The following WAPL variants were observed in gnomAD, a reference collection of about 807,000 sequenced individuals.
The protein encoded by WAPL is wings apart-like protein homolog.
Under a neutral mutation model 121.0 loss-of-function variants are expected in WAPL, and 5 were observed. That is an observed-to-expected ratio of 0.04 (90% CI 0.02 to 0.09). The LOEUF (loss-of-function observed/expected upper bound fraction) is 0.09. Ranked by LOEUF, WAPL falls within the 10% of genes least tolerant of loss-of-function variation. The probability of loss-of-function intolerance (pLI) is 1.00; values close to 1 mark genes in which losing one functional copy is unlikely to be tolerated. For missense variants in WAPL, 999 were observed against 1,410.8 expected (o/e 0.71, Z 4.68); for synonymous variants, 480 against 481.5 (o/e 1.00, Z 0.04).
At chr10:86,504,687 C>G (rs1482882273) in intron 2 of WAPL, among the ~76,000 whole-genome samples, 1 of 151,722 alleles carries the variant, frequency 6.6e-6, no homozygotes, top group Admixed American at 6.6e-5. Context: ...AGGGACATAG[C>G]AGTACGTGCT....
intron 15 of WAPL, among the ~76,000 whole-genome samples, chr10:86,449,867 T>C (rs191289911): frequency 6.6e-5 from 10 of 152,316 alleles, no homozygotes; most frequent in Non-Finnish European, 1.0e-4. Context: ...AGGTAGGCTG[T>C]ACAGTGAGCA....
intron 16 of WAPL, chr10:86,443,978 C>T (rs4934211): frequency 0.34 from 52,607 of 153,180 alleles, 9,774 homozygotes; most frequent in Non-Finnish European, 0.42. Context: ...AAGCCCTGAT[C>T]GTGCCACTGC....
chr10:86,512,456 C>T (rs191990585), intron 2 of WAPL, among the ~76,000 whole-genome samples: 15 of 152,298 alleles, frequency 9.8e-5, no homozygotes, highest in East Asian at 7.7e-4. Flanking sequence ...AGATTAAAAA[C>T]CTGTAGCAGA....
chr10:86,508,948 G>GGT (rs1842404979), intron 2 of WAPL, among the ~76,000 whole-genome samples: 1 of 151,390 alleles, frequency 6.6e-6, no homozygotes, highest in Non-Finnish European at 1.5e-5. Flanking sequence ...GTAGAGACAG[G>GGT]GTTTCACCGT....
chr10:86,465,964 G>A (rs145046855), intron 9 of WAPL, among the ~76,000 whole-genome samples: 41 of 151,618 alleles, frequency 2.7e-4, no homozygotes, highest in African/African-American at 8.7e-4. Flanking sequence ...CAAAACCACA[G>A]GCCAATTATC....
At chr10:86,460,759 G>A (rs981432779) in intron 10 of WAPL, among the ~76,000 whole-genome samples, 2 of 151,720 alleles carry the variant, frequency 1.3e-5, no homozygotes, top group Admixed American at 6.6e-5. Context: ...TGTTGCCCAG[G>A]CTGGAGTGCA....
intron 9 of WAPL, 61 bp downstream of exon 9, chr10:86,467,218 A>C (rs1203977916): frequency 4.0e-6 from 6 of 1,495,244 alleles, no homozygotes; most frequent in Admixed American, 1.8e-5. Flanking sequence ...CAGCTACTGC[A>C]ACTAACCAAA....
chr10:86,442,533 C>G (rs185998918), intron 17 of WAPL, among the ~76,000 whole-genome samples: 303 of 152,258 alleles, frequency 2.0e-3, no homozygotes, highest in African/African-American at 6.7e-3. Flanking sequence ...CAGCCTAACT[C>G]TGACAGGCAC....
At chr10:86,457,893 A>G (rs1208094834) in intron 12 of WAPL, among the ~76,000 whole-genome samples, 1 of 152,214 alleles carries the variant, frequency 6.6e-6, no homozygotes, top group Non-Finnish European at 1.5e-5. Flanking sequence ...TATGTACTTA[A>G]GTATTTATGG....
chr10:86,452,275 G>T, intron 14 of WAPL, 144 bp from the exon 15 acceptor site: 1 of 657,928 alleles, frequency 1.5e-6, no homozygotes, highest in Non-Finnish European at 2.3e-6. Context: ...AGTATGAAAG[G>T]CCAAAAAGAA....
chr10:86,496,633 T>A (rs898434199), intron 4 of WAPL, among the ~76,000 whole-genome samples: 5 of 152,142 alleles, frequency 3.3e-5, no homozygotes, highest in Admixed American at 2.6e-4. Context: ...GAATATTCTT[T>A]TATATATATA....
intron 15 of WAPL, among the ~76,000 whole-genome samples, chr10:86,449,999 C>T (rs973671264): frequency 1.3e-5 from 2 of 151,996 alleles, no homozygotes; most frequent in Non-Finnish European, 2.9e-5. Flanking sequence ...TAAATGAATG[C>T]AGATGAAAAT....
chr10:86,437,272 T>C lies in WAPL; in HGVS notation c.*271A>G, dbSNP rs1386692388. On this transcript the variant is annotated 3_prime_UTR_variant, in exon 19 of 19. Transcript: ENST00000298767. ...GAAAACAAGGGGAGGGTATAAACTC[T>C]GCCAAAGTAAATGTATTTAAATACT... The C allele has an allele frequency of 5.6e-6, 2 of 355,782 alleles. No homozygotes were observed. Among genetic ancestry groups the C allele is most frequent in the African/African-American group, 4.3e-5 (2 of 46,650 alleles). 22.0% of individuals were successfully genotyped at this position (355,782 alleles called of 1,614,324 possible).
chr10:86,517,479 A>C, intron 2 of WAPL, 92 bp downstream of exon 2: 1 of 1,447,094 alleles, frequency 6.9e-7, no homozygotes, highest in Non-Finnish European at 9.1e-7. Flanking sequence ...GTGCAGAAAG[A>C]AAACACAATA....
At chr10:86,469,202 G>A (rs561090514) in intron 8 of WAPL, among the ~76,000 whole-genome samples, 216 of 40,970 alleles carry the variant, frequency 5.3e-3, no homozygotes, top group Non-Finnish European at 7.1e-3. Flanking sequence ...TGTGAGGATC[G>A]CTTAATAAAA....
Position 86,472,624 on chromosome 10 carries a change from T to G in WAPL, c.1881A>C (p.Arg627=). 1 of 1,613,548 alleles carries G rather than the reference T, an allele frequency of 6.2e-7. No individual in the cohort carries two copies. Among genetic ancestry groups the G allele is most frequent in the East Asian group, 2.2e-5 (1 of 44,840 alleles). Residue 627 remains arginine (R), a synonymous_variant, in exon 6 of 19, where the codon CGA becomes CGC. Transcript: ENST00000298767. This position sits in a 1 kb window ranked among gnomAD's most constrained non-coding sequence, Gnocchi z 4.2. ...QDIVTALKCR[R]EDKELYTVVQ... ...TATGGCTGCTTACTTCTTTGTCTTC[T>G]CGTCTGCATTTCAGTGCAGTAACTA...
At chr10:86,468,706 G>A (rs1248887835) in intron 8 of WAPL, among the ~76,000 whole-genome samples, 1 of 152,076 alleles carries the variant, frequency 6.6e-6, no homozygotes, top group Admixed American at 6.5e-5. Flanking sequence ...GCTCACACCT[G>A]TAATCCCAGC....
intron 12 of WAPL, among the ~76,000 whole-genome samples, chr10:86,458,576 C>T (rs1350723057): frequency 6.6e-6 from 1 of 152,048 alleles, no homozygotes; most frequent in Non-Finnish European, 1.5e-5. Context: ...ACAAATGATA[C>T]AAAAGATACT....
Position 86,435,782 on chromosome 10 carries a change from A to G in WAPL, c.*1761T>C, listed in dbSNP as rs1385590290. 1 of 152,468 alleles carries G rather than the reference A, an allele frequency of 6.6e-6. No individual in the cohort carries two copies. Among genetic ancestry groups the G allele is most frequent in the African/African-American group, 2.4e-5 (1 of 41,556 alleles). 9.4% of individuals were successfully genotyped at this position (152,468 alleles called of 1,614,324 possible). A position where few individuals can be genotyped will look rare whatever the true frequency, so the allele number is the denominator to read the frequency against. On this transcript the variant is annotated 3_prime_UTR_variant, in exon 19 of 19. Transcript: ENST00000298767. ...CAAATGTTTTATAATATTCCTTACC[A>G]TCTGCCACAAGTCAGGTTCACCAAA... is the stretch of plus-strand genomic sequence containing the variant.
Sources: gnomAD v4.1 joint callset for allele counts (sites outside exome capture counted in the v4.1 genomes callset) on GRCh38, gnomAD v4.1.1 for gene constraint, Gnocchi (gnomAD v3.1) non-coding constraint, MANE v1.5 for transcripts, NCBI Gene and HGNC (gene_info 2026-07-23, HGNC 2026-07-21) for gene names.